The following TENM3 variants were observed in gnomAD, a reference collection of about 807,000 sequenced individuals.
TENM3 encodes the protein teneurin transmembrane protein 3, also known as teneurin-3.
TENM3 carries 63 observed loss-of-function variants against 255.1 expected under a neutral mutation model. That is an observed-to-expected ratio of 0.25 (90% confidence interval 0.20 to 0.30). The LOEUF (loss-of-function observed/expected upper bound fraction) is 0.30. TENM3 is among the 10% of genes least tolerant of loss of function. The pLI, the probability that TENM3 is intolerant of heterozygous loss-of-function variation, is 1.00. For synonymous variants in TENM3, 1,306 were observed against 1,322.3 expected (o/e 0.99, Z 0.27); for missense variants, 2,929 against 3,461.1 (o/e 0.85, Z 3.86).
rs1765937673 is a variant in TENM3 at position 182,789,486 on chromosome 4, G to A, written c.5601+97G>A. On this transcript the variant is annotated intron_variant, in intron 25 of 27. Coordinates refer to ENST00000511685, the MANE Select transcript of TENM3 (RefSeq NM_001080477.4). This position sits in a 1 kb window ranked among gnomAD's most constrained non-coding sequence, Gnocchi z 4.4. ...AAGGGGAAAAAAAACAGTGGCACAT[G>A]ACTGAGTTCCATTTGTTATTCGAAG... 6 of 1,123,556 alleles carry A rather than the reference G, an allele frequency of 5.3e-6. No individual in the cohort carries two copies. Among genetic ancestry groups the A allele is most frequent in the Non-Finnish European group, 7.6e-6 (6 of 794,058 alleles). The allele number at this position is 1,123,556 out of a possible 1,614,324, so 69.6% of individuals were successfully genotyped here.
the TENM3 span, among the ~76,000 whole-genome samples, chr4:181,721,018 G>A: frequency 6.6e-6 from 1 of 151,966 alleles, no homozygotes; most frequent in Non-Finnish European, 1.5e-5. Flanking sequence ...TGATCCAGAT[G>A]AGCATGAAGG....
At chr4:181,555,934 G>A in the TENM3 span, among the ~76,000 whole-genome samples, 15 of 152,198 alleles carry the variant, frequency 9.9e-5, no homozygotes, top group African/African-American at 3.6e-4. Flanking sequence ...GAGAACATGG[G>A]TATTGATGAA....
the TENM3 span, among the ~76,000 whole-genome samples, chr4:181,855,993 GGGAA>G: frequency 4.0e-3 from 259 of 65,252 alleles, 5 homozygotes; most frequent in African/African-American, 9.7e-3. Flanking sequence ...GAAAGAAGGA[GGGAA>G]GGAAGGAAGG....
At chr4:182,596,181 T>C in intron 3 of TENM3, among the ~76,000 whole-genome samples, 1 of 152,138 alleles carries the variant, frequency 6.6e-6, no homozygotes, top group East Asian at 1.9e-4. Context: ...AAGAGTTAAG[T>C]TGGGGAAATA....
At chr4:181,605,514 GAA>G in the TENM3 span, among the ~76,000 whole-genome samples, 11 of 17,528 alleles carry the variant, frequency 6.3e-4, no homozygotes, top group Admixed American at 2.9e-3. Context: ...AAGAAAGAAA[GAA>G]AGAAAGAAAG....
chr4:181,912,030 C>A, the TENM3 span, among the ~76,000 whole-genome samples: 1 of 152,168 alleles, frequency 6.6e-6, no homozygotes, highest in East Asian at 1.9e-4. Flanking sequence ...TAGGATCATA[C>A]GCCGGGGATA....
chr4:182,227,997 AC>A (rs1411313278), intron 1 of TENM3, among the ~76,000 whole-genome samples: 2 of 152,048 alleles, frequency 1.3e-5, no homozygotes, highest in African/African-American at 2.4e-5. Context: ...CTATTGCATG[AC>A]CTCCCTCATA....
At position 182,728,990 on chromosome 4, in the gene TENM3, C is replaced by T. The variant is rs181078136; in HGVS notation, c.2394C>T (p.Pro798=). ...ATGGACTCATTGACTGCATGGATCC[C>T]GATTGCTGCCTACAGAGTTCCTGCC... is the stretch of plus-strand genomic sequence containing the variant. ...EGDGLIDCMD[P]DCCLQSSCQN... The change falls in exon 14 of 28, where the codon CCC becomes CCT. Residue 798 remains proline, a synonymous_variant. Coordinates refer to ENST00000511685, the MANE Select transcript of TENM3 (RefSeq NM_001080477.4). 54 of 1,613,910 alleles carry T rather than the reference C, an allele frequency of 3.3e-5. No individual in the cohort carries two copies. The highest frequency in any genetic ancestry group is 6.7e-5 in the Admixed American group (4 of 60,012).
At chr4:181,996,097 C>T in the TENM3 span, among the ~76,000 whole-genome samples, 1,125 of 151,000 alleles carry the variant, frequency 7.5e-3, 14 homozygotes, top group African/African-American at 0.025. Flanking sequence ...TGGCCTTGAC[C>T]GCTATTGATC....
At chr4:182,117,282 G>A in the TENM3 span, among the ~76,000 whole-genome samples, 1 of 152,210 alleles carries the variant, frequency 6.6e-6, no homozygotes, top group Admixed American at 6.5e-5. Context: ...AAGATTTTAA[G>A]TTTAATAAAT....
At chr4:181,988,323 C>A in the TENM3 span, among the ~76,000 whole-genome samples, 1 of 152,038 alleles carries the variant, frequency 6.6e-6, no homozygotes, top group Admixed American at 6.6e-5. Context: ...CATTTTTAAT[C>A]ATCAACCTCT....
chr4:181,857,551 C>CAA, the TENM3 span, among the ~76,000 whole-genome samples: 208 of 104,668 alleles, frequency 2.0e-3, no homozygotes, highest in African/African-American at 5.6e-3. Context: ...CCTGTCTCTA[C>CAA]AAAAAAAAAA....
intron 18 of TENM3, 130 bp downstream of exon 18, chr4:182,738,674 G>GA (rs1761362470): frequency 7.2e-5 from 48 of 670,432 alleles, no homozygotes; most frequent in Non-Finnish European, 9.2e-5. Context: ...AGAAATGGCA[G>GA]AAAAAAAATA....
chr4:182,146,276 T>C (rs563898675), intron 1 of TENM3, among the ~76,000 whole-genome samples: 8 of 152,328 alleles, frequency 5.3e-5, no homozygotes, highest in African/African-American at 1.7e-4. Context: ...TATCTTAATA[T>C]ATAAAATTCT....
chr4:182,132,260 A>T, the TENM3 span, among the ~76,000 whole-genome samples: 1 of 152,092 alleles, frequency 6.6e-6, no homozygotes, highest in Non-Finnish European at 1.5e-5. Flanking sequence ...CGGGTGGATC[A>T]CGAGGTCAGG....
At chr4:181,544,408 T>TAAAAAAAAAAAAAAAAAAAAA in the TENM3 span, among the ~76,000 whole-genome samples, 13 of 68,668 alleles carry the variant, frequency 1.9e-4, no homozygotes, top group East Asian at 5.9e-4. Flanking sequence ...CCTTCAGGAT[T>TAAAAAAAAAAAAAAAAAAAAA]AAAAAAAAAA....
chr4:182,189,559 G>A (rs143095527), intron 1 of TENM3, among the ~76,000 whole-genome samples: 17 of 152,246 alleles, frequency 1.1e-4, no homozygotes, highest in East Asian at 3.9e-4. Context: ...TGTGGGGCGC[G>A]GCACAAACTC....
intron 1 of TENM3, among the ~76,000 whole-genome samples, chr4:182,294,678 A>G (rs1399329064): frequency 6.6e-6 from 1 of 152,180 alleles, no homozygotes; most frequent in Admixed American, 6.5e-5. Flanking sequence ...TGGGAATCCA[A>G]CCAAAAGCTG....
the TENM3 span, among the ~76,000 whole-genome samples, chr4:181,795,629 G>C: frequency 8.5e-5 from 13 of 152,282 alleles, no homozygotes; most frequent in African/African-American, 3.1e-4. Flanking sequence ...AGTGGCTGAT[G>C]TAATTTGGTT....
Sources: gnomAD v4.1 joint callset for allele counts (sites outside exome capture counted in the v4.1 genomes callset) on GRCh38, gnomAD v4.1.1 for gene constraint, Gnocchi (gnomAD v3.1) non-coding constraint, MANE v1.5 for transcripts, NCBI Gene and HGNC (gene_info 2026-07-23, HGNC 2026-07-21) for gene names.